Variants in CDC73 observed in about 807,000 individuals in gnomAD.
The protein encoded by CDC73 is cell division cycle 73, also known as parafibromin.
Under a neutral mutation model 83.7 loss-of-function variants are expected in CDC73, and 21 were observed. The observed-to-expected ratio is 0.25, with a 90% CI of 0.18 to 0.36. The LOEUF is 0.36. Ranked by LOEUF, CDC73 falls within the 10% of genes least tolerant of loss-of-function variation. The pLI is 1.00. For missense variants in CDC73, 342 were observed against 653.3 expected (o/e 0.52, Z 5.19); for synonymous variants, 224 against 212.9 (o/e 1.05, Z -0.45).
intron 11 of CDC73, among the ~76,000 whole-genome samples, chr1:193,207,094 T>G (rs895010145): frequency 6.6e-6 from 1 of 152,110 alleles, no homozygotes; most frequent in Non-Finnish European, 1.5e-5. Context: ...AGAGAGGAAT[T>G]TTACAGCTGG....
intron 10 of CDC73, among the ~76,000 whole-genome samples, chr1:193,200,935 G>C (rs1037676284): frequency 6.6e-6 from 1 of 152,116 alleles, no homozygotes; most frequent in Non-Finnish European, 1.5e-5. Context: ...TTAGCCTCTT[G>C]GGTGGTGTTG....
In CDC73 at chr1:193,122,310, A is replaced by G. The variant is rs890428520; in HGVS notation, c.110A>G (p.Lys37Arg). 6.2e-7 allele frequency: 1 copy of G among 1,614,064 alleles called. No individual in the cohort carries two copies. The highest frequency in any genetic ancestry group is 8.5e-7 in the Non-Finnish European group (1 of 1,180,002). ...GAGTTCTCCTGGCCCAAGAATGTGA[A>G]GACCAACTATGTTGTTTGGGGGTAA... is the stretch of plus-strand genomic sequence containing the variant. ...FGEFSWPKNV[K>R]TNYVVWGTGK... The change falls in exon 1 of 17, where the codon AAG becomes AGG. Residue 37 changes from lysine (K) to arginine (R), a missense_variant. This residue lies in a region of CDC73 where 99 missense variants were observed against 174.5 expected (regional missense o/e 0.57). Transcript: ENST00000367435.
chr1:193,197,171 T>C (rs12123069), intron 10 of CDC73, among the ~76,000 whole-genome samples: 6,065 of 152,330 alleles, frequency 0.04, 118 homozygotes, highest in Middle Eastern at 0.048. Flanking sequence ...GTCTTTTTTT[T>C]CTACATCATT....
At chr1:193,160,662 C>A (rs1441457565) in intron 10 of CDC73, among the ~76,000 whole-genome samples, 4 of 151,926 alleles carry the variant, frequency 2.6e-5, no homozygotes, top group Non-Finnish European at 5.9e-5. Flanking sequence ...TCCTACTACT[C>A]CTTGTATTTT....
At chr1:193,187,249 T>C (rs1341197163) in intron 10 of CDC73, among the ~76,000 whole-genome samples, 1 of 152,180 alleles carries the variant, frequency 6.6e-6, no homozygotes, top group East Asian at 1.9e-4. Context: ...AATCACTTTT[T>C]AATGTTGTCA....
In CDC73 at chr1:193,147,975, C is replaced by G. The variant is rs1442123779; in HGVS notation, c.828+10C>G. On this transcript the variant is annotated intron_variant, in intron 8 of 16. Transcript: ENST00000367435. Reference sequence around the variant, plus strand: ...AAATGCAGCACCTGTGGTAAGAATGCTTTACTGCTTTACAGTAGATTTAAT... The same window carrying G: ...AAATGCAGCACCTGTGGTAAGAATGGTTTACTGCTTTACAGTAGATTTAAT... 6.5e-7 allele frequency: 1 copy of G among 1,547,384 alleles called. No homozygotes were observed. The highest frequency in any genetic ancestry group is 1.4e-5 in the African/African-American group (1 of 73,714).
intron 10 of CDC73, among the ~76,000 whole-genome samples, chr1:193,175,804 A>G (rs746428981): frequency 5.9e-5 from 9 of 152,202 alleles, no homozygotes; most frequent in African/African-American, 1.2e-4. Flanking sequence ...CCTGGAGCCA[A>G]TTCCCCACAG....
chr1:193,204,227 GTA>G (rs1677143603), intron 11 of CDC73, among the ~76,000 whole-genome samples: 1 of 12,296 alleles, frequency 8.1e-5, no homozygotes, highest in African/African-American at 3.3e-4. Context: ...GTATATATAT[GTA>G]TATATACACG....
chr1:193,122,408 TC>T (rs982407037), intron 1 of CDC73, 77 bp downstream of exon 1: 9 of 1,567,528 alleles, frequency 5.7e-6, no homozygotes, highest in Non-Finnish European at 7.9e-6. Flanking sequence ...TCTTAACCCC[TC>T]CCCCCGTTTC....
At chr1:193,194,922 CTA>C (rs991916138) in intron 10 of CDC73, among the ~76,000 whole-genome samples, 3 of 151,950 alleles carry the variant, frequency 2.0e-5, no homozygotes, top group East Asian at 1.9e-4. Context: ...AAATAAATCT[CTA>C]TATGTGTATG....
intron 10 of CDC73, among the ~76,000 whole-genome samples, chr1:193,177,476 G>A (rs1217113368): frequency 2.7e-5 from 4 of 149,384 alleles, no homozygotes; most frequent in Admixed American, 1.3e-4. Context: ...CTTGCAGTGA[G>A]CCGAGATCGG....
intron 6 of CDC73, among the ~76,000 whole-genome samples, chr1:193,139,427 C>T (rs1675863015): frequency 6.6e-6 from 1 of 152,068 alleles, no homozygotes; most frequent in Non-Finnish European, 1.5e-5. Flanking sequence ...CCACCACGCC[C>T]AGCTAATTTT....
chr1:193,192,671 G>A (rs546699969), intron 10 of CDC73, among the ~76,000 whole-genome samples: 18 of 152,268 alleles, frequency 1.2e-4, no homozygotes, highest in Non-Finnish European at 1.5e-4. Context: ...GATGAATAAC[G>A]TACTCAGACA....
rs1161144209 is a variant in CDC73, at chr1:193,181,652, A to G, written c.973-22143A>G. ...ACTATTCTTTGGCAATCATTTTCTA[A>G]TTCAGTCACATTGTCTCTCTTGTAG... On this transcript the variant is annotated intron_variant, in intron 10 of 16. Coordinates refer to ENST00000367435, the MANE Select transcript of CDC73 (RefSeq NM_024529.5). 13 of 1,175,138 alleles carry G rather than the reference A, an allele frequency of 1.1e-5. No homozygotes were observed. The Admixed American group carries it at 3.3e-4, about 29-fold the overall frequency. The allele number at this position is 1,175,138 out of a possible 1,614,324, so 72.8% of individuals were successfully genotyped here.
At chr1:193,238,511 C>T (rs1677802508) in intron 15 of CDC73, among the ~76,000 whole-genome samples, 1 of 152,114 alleles carries the variant, frequency 6.6e-6, no homozygotes, top group South Asian at 2.1e-4. Context: ...AAGTTACTTT[C>T]CAAGTACCTG....
chr1:193,249,306 A>G (rs1231806975), intron 15 of CDC73, among the ~76,000 whole-genome samples: 2 of 152,068 alleles, frequency 1.3e-5, no homozygotes, highest in African/African-American at 2.4e-5. Context: ...TTTTAGACAT[A>G]ATGCTATTGC....
intron 1 of CDC73, 125 bp downstream of exon 1, chr1:193,122,456 G>A: frequency 2.3e-6 from 3 of 1,288,916 alleles, no homozygotes; most frequent in Non-Finnish European, 3.4e-6. Context: ...TCGGGGAAAA[G>A]AAAGTTTCTC....
intron 7 of CDC73, among the ~76,000 whole-genome samples, chr1:193,142,734 C>A (rs978195086): frequency 6.6e-6 from 1 of 151,528 alleles, no homozygotes; most frequent in Admixed American, 6.6e-5. Flanking sequence ...GTACACGTAC[C>A]TTTGTGTGTT....
At chr1:193,161,212 T>C (rs575248726) in intron 10 of CDC73, 2 of 177,892 alleles carry the variant, frequency 1.1e-5, no homozygotes, top group East Asian at 9.4e-5. Flanking sequence ...TTCCCATGTT[T>C]TTTTTAAATA....
Sources: gnomAD v4.1 joint callset for allele counts (sites outside exome capture counted in the v4.1 genomes callset) on GRCh38, gnomAD v4.1.1 for gene constraint, gnomAD v4.1.1 regional missense constraint, MANE v1.5 for transcripts, NCBI Gene and HGNC (gene_info 2026-07-23, HGNC 2026-07-21) for gene names.